The following NGEF variants were observed in gnomAD, a reference collection of about 807,000 sequenced individuals.
NGEF encodes ephexin-1.
NGEF carries 31 observed loss-of-function variants against 80.9 expected under a neutral mutation model. The observed-to-expected ratio is 0.38, with a 90% CI of 0.29 to 0.52. The LOEUF (loss-of-function observed/expected upper bound fraction) is 0.52, where lower values mean the gene tolerates loss of function less well. Ranked by LOEUF, NGEF falls within the 20% of genes least tolerant of loss-of-function variation. The pLI is 0.84. For missense variants in NGEF, 709 were observed against 926.2 expected, an observed-to-expected ratio of 0.77 and a Z score of 3.04; for synonymous variants, 371 against 370.2, an observed-to-expected ratio of 1.00 and a Z score of -0.03.
chr2:232,988,043 G>C (rs1029989883), intron 1 of NGEF, among the ~76,000 whole-genome samples: 2,604 of 129,818 alleles, frequency 0.02, 74 homozygotes, highest in African/African-American at 0.066. Context: ...TCTCGTGTGT[G>C]TGTGTGTGTG....
At chr2:232,910,026 TTGTTTC>T (rs1330705605) in intron 5 of NGEF, among the ~76,000 whole-genome samples, 1 of 152,230 alleles carries the variant, frequency 6.6e-6, no homozygotes, top group Non-Finnish European at 1.5e-5. Context: ...GACCTTTGGC[TTGTTTC>T]CAGTCTTTGG....
At chr2:232,956,212 C>T (rs1693827104) in intron 3 of NGEF, among the ~76,000 whole-genome samples, 3 of 152,028 alleles carry the variant, frequency 2.0e-5, no homozygotes. Context: ...GAGTGGTTGT[C>T]CCTGAAGGGA....
At chr2:232,919,687 C>G (rs974260967) in intron 5 of NGEF, among the ~76,000 whole-genome samples, 2 of 152,166 alleles carry the variant, frequency 1.3e-5, no homozygotes, top group African/African-American at 4.8e-5. Context: ...CATCAAGCAA[C>G]TCAACGATTT....
intron 5 of NGEF, among the ~76,000 whole-genome samples, chr2:232,901,714 G>C (rs1314454821): frequency 6.6e-6 from 1 of 152,222 alleles, no homozygotes; most frequent in African/African-American, 2.4e-5. Context: ...CCCAGTCCTG[G>C]GCATCAGGGC....
At chr2:232,994,334 C>A (rs1311763184) in intron 1 of NGEF, among the ~76,000 whole-genome samples, 1 of 148,440 alleles carries the variant, frequency 6.7e-6, no homozygotes, top group East Asian at 2.0e-4. Flanking sequence ...TGCACCACCC[C>A]ACTTCAGCCT....
intron 1 of NGEF, among the ~76,000 whole-genome samples, chr2:232,998,359 G>A (rs889585764): frequency 1.3e-5 from 2 of 152,294 alleles, no homozygotes; most frequent in South Asian, 2.1e-4. Flanking sequence ...AGAAAGGTAT[G>A]GCTGGTATCA....
intron 5 of NGEF, among the ~76,000 whole-genome samples, chr2:232,906,021 G>T (rs1314481764): frequency 2.3e-5 from 3 of 130,312 alleles, no homozygotes; most frequent in Admixed American, 1.5e-4. Flanking sequence ...GGAGGGAGGT[G>T]GGGGGGTCAG....
intron 1 of NGEF, among the ~76,000 whole-genome samples, chr2:233,005,715 C>T (rs1695070543): frequency 6.6e-6 from 1 of 152,322 alleles, no homozygotes; most frequent in South Asian, 2.1e-4. Context: ...CCAGAGCCAT[C>T]AGAAGGAAAC....
chr2:232,949,919 C>T (rs1693645150), intron 3 of NGEF, among the ~76,000 whole-genome samples: 1 of 152,000 alleles, frequency 6.6e-6, no homozygotes, highest in Admixed American at 6.6e-5. Flanking sequence ...TCAAGTGATT[C>T]TCCTGTCTCT....
intron 2 of NGEF, among the ~76,000 whole-genome samples, chr2:232,973,027 G>A (rs1201282615): frequency 6.6e-6 from 1 of 152,072 alleles, no homozygotes; most frequent in Admixed American, 6.6e-5. Context: ...AAAGTGCTGG[G>A]ATTATAGGTG....
At chr2:232,960,153 C>T (rs1039500968) in intron 3 of NGEF, among the ~76,000 whole-genome samples, 2 of 152,242 alleles carry the variant, frequency 1.3e-5, no homozygotes, top group Non-Finnish European at 2.9e-5. Context: ...CTTAGTTTAT[C>T]CAGAAAAATG....
At chr2:233,008,441 C>T (rs1317114893) in intron 1 of NGEF, among the ~76,000 whole-genome samples, 3 of 152,266 alleles carry the variant, frequency 2.0e-5, no homozygotes, top group African/African-American at 4.8e-5. Flanking sequence ...GTCATGTAGC[C>T]TGAAAGACTG....
chr2:232,996,098 C>G (rs1477233824), intron 1 of NGEF, among the ~76,000 whole-genome samples: 1 of 152,024 alleles, frequency 6.6e-6, no homozygotes, highest in Non-Finnish European at 1.5e-5. Flanking sequence ...GTGACTCATT[C>G]TACTCCATTC....
chr2:233,010,504 A>T (rs1695180008), intron 1 of NGEF, among the ~76,000 whole-genome samples: 1 of 151,904 alleles, frequency 6.6e-6, no homozygotes, highest in East Asian at 1.9e-4. Context: ...CTCAGAGGCC[A>T]CCTCCTCCAT....
At position 232,887,927 on chromosome 2, in the gene NGEF, A is replaced by G. The variant is rs558860694; in HGVS notation, c.1347+106T>C. The G allele has an allele frequency of 2.9e-4, 248 of 854,728 alleles. 3 individuals carry two copies. In the Middle Eastern group the frequency reaches 0.012, roughly 40 times the overall value. The allele number at this position is 854,728 out of a possible 1,614,324, so 52.9% of individuals were successfully genotyped here. On this transcript the variant is annotated intron_variant, in intron 9 of 14. Transcript: ENST00000264051. ...AAAGTGAATTTTAAAATAAATTTGC[A>G]TATTCTAAAAAGACACACGGACATG... is the stretch of plus-strand genomic sequence containing the variant.
rs1215459751 is a variant in NGEF, at chr2:232,974,788, G to C, written c.103C>G (p.Leu35Val). The C allele has an allele frequency of 1.2e-6, 2 of 1,614,242 alleles. No individual in the cohort carries two copies. The highest frequency in any genetic ancestry group is 4.5e-5 in the East Asian group (2 of 44,890). ...NEPAKVKPEL[L>V]PEKEETSQAD... ...TGAGAAGTCTCCTCTTTTTCTGGGA[G>C]TAACTCAGGTTTCACCTTGGCTGGT... Residue 35 changes from leucine to valine, a missense_variant, in exon 2 of 15, where the codon CTC (leucine) becomes GTC (valine). Coordinates refer to ENST00000264051, the MANE Select transcript of NGEF (RefSeq NM_019850.3).
At chr2:232,901,154 G>A (rs890534395) in intron 5 of NGEF, among the ~76,000 whole-genome samples, 2 of 152,154 alleles carry the variant, frequency 1.3e-5, no homozygotes, top group Non-Finnish European at 2.9e-5. Context: ...GGGCTTTTAC[G>A]CAGCCCGCGG....
Position 233,013,145 on chromosome 2 carries a change from T to C in NGEF, c.-152A>G, listed in dbSNP as rs771051797. On this transcript the variant is annotated 5_prime_UTR_variant, in exon 1 of 15. Coordinates refer to ENST00000264051, the MANE Select transcript of NGEF (RefSeq NM_019850.3). ...TCGTCCCCTGTCCTGTCCAGGCACC[T>C]GCGAGCAGGATGGTGTGTCCCCGGC... 1 of 471,312 alleles carries C rather than the reference T, an allele frequency of 2.1e-6. No homozygotes were observed. Among genetic ancestry groups the C allele is most frequent in the South Asian group, 1.5e-5 (1 of 64,576 alleles). The allele number at this position is 471,312 out of a possible 1,614,324, so 29.2% of individuals were successfully genotyped here. A position where few individuals can be genotyped will look rare whatever the true frequency, so the allele number is the denominator to read the frequency against.
intron 5 of NGEF, among the ~76,000 whole-genome samples, chr2:232,908,201 T>C (rs1229071455): frequency 6.6e-6 from 1 of 152,248 alleles, no homozygotes; most frequent in Non-Finnish European, 1.5e-5. Context: ...ATTGGGCATA[T>C]AAGTTTCTTC....
Sources: allele counts gnomAD v4.1 joint callset (sites outside exome capture counted in the v4.1 genomes callset), GRCh38; gene constraint gnomAD v4.1.1; transcripts MANE v1.5; gene names NCBI Gene and HGNC (gene_info 2026-07-23, HGNC 2026-07-21).